The following TRAPPC9 variants were observed in gnomAD, a reference collection of about 807,000 sequenced individuals.
The protein encoded by TRAPPC9 is trafficking protein particle complex subunit 9.
TRAPPC9 carries 83 observed loss-of-function variants against 124.0 expected under a neutral mutation model. The observed-to-expected ratio is 0.67, with a 90% confidence interval of 0.56 to 0.80. TRAPPC9 has a LOEUF of 0.80. TRAPPC9 is among the 30% of genes least tolerant of loss of function. The pLI, the probability that TRAPPC9 is intolerant of heterozygous loss-of-function variation, is 0.00. For synonymous variants in TRAPPC9, 638 were observed against 617.5 expected, an observed-to-expected ratio of 1.03 and a Z score of -0.49; for missense variants, 1,302 against 1,508.3, an observed-to-expected ratio of 0.86 and a Z score of 2.27.
At chr8:140,058,701 C>T (rs151273799) in intron 17 of TRAPPC9, among the ~76,000 whole-genome samples, 160 of 152,216 alleles carry the variant, frequency 1.1e-3, no homozygotes, top group African/African-American at 3.5e-3. Flanking sequence ...CCTGTGGGGA[C>T]GAAAGAGAAT....
rs182352012 is a variant in TRAPPC9 at position 140,279,147 on chromosome 8, G to A, written c.2115-3326C>T. Among the ~76,000 whole-genome samples, 24 of 152,228 alleles carry A rather than the reference G, an allele frequency of 1.6e-4. No individual in the cohort carries two copies. In the East Asian group the frequency reaches 2.3e-3, roughly 15 times the overall value. ...ACCACATCTTCTGTGAAGCCTTCCC[G>A]AACCCCAAAGACAGGGTCAACCTCT... On this transcript the variant is annotated intron_variant, in intron 14 of 22. Coordinates refer to ENST00000438773, the MANE Select transcript of TRAPPC9 (RefSeq NM_001160372.4).
At chr8:140,265,817 A>G (rs2064632348) in intron 15 of TRAPPC9, among the ~76,000 whole-genome samples, 1 of 152,258 alleles carries the variant, frequency 6.6e-6, no homozygotes, top group Non-Finnish European at 1.5e-5. Context: ...AGCCATTAAT[A>G]TTAGCTCCTA....
intron 6 of TRAPPC9, 41 bp from the exon 7 acceptor site, chr8:140,397,786 C>T: frequency 5.6e-6 from 9 of 1,611,764 alleles, no homozygotes; most frequent in Non-Finnish European, 7.6e-6. Flanking sequence ...AAAAAGAGTT[C>T]AGATGTTTCT....
chr8:139,840,653 G>A (rs190586220), intron 21 of TRAPPC9, among the ~76,000 whole-genome samples: 1 of 152,318 alleles, frequency 6.6e-6, no homozygotes, highest in East Asian at 1.9e-4. Flanking sequence ...GGCCAGGAGG[G>A]TGGCGGTTTC....
chr8:140,351,499 T>C (rs1434277011), intron 9 of TRAPPC9, among the ~76,000 whole-genome samples: 1 of 152,098 alleles, frequency 6.6e-6, no homozygotes, highest in Non-Finnish European at 1.5e-5. Flanking sequence ...CTGGGTGTGG[T>C]GGCTCATGCC....
intron 9 of TRAPPC9, among the ~76,000 whole-genome samples, chr8:140,328,444 G>A (rs577211391): frequency 4.6e-5 from 7 of 151,418 alleles, no homozygotes; most frequent in Non-Finnish European, 1.0e-4. Flanking sequence ...AAGCAACCTG[G>A]ATGAGACTGG....
chr8:140,402,113 T>A (rs898578032), intron 6 of TRAPPC9, among the ~76,000 whole-genome samples: 10 of 152,014 alleles, frequency 6.6e-5, no homozygotes, highest in African/African-American at 2.4e-4. Context: ...AGGCCTGTAA[T>A]CGCAGCGTCT....
At chr8:139,866,171 G>A (rs752143692) in intron 21 of TRAPPC9, among the ~76,000 whole-genome samples, 2 of 152,178 alleles carry the variant, frequency 1.3e-5, no homozygotes, top group Admixed American at 6.5e-5. Flanking sequence ...TTTAGCTAGC[G>A]GGCTTCAGAG....
At chr8:140,383,166 T>C (rs2068659193) in intron 7 of TRAPPC9, among the ~76,000 whole-genome samples, 1 of 152,108 alleles carries the variant, frequency 6.6e-6, no homozygotes, top group African/African-American at 2.4e-5. Context: ...CATCTGTATA[T>C]CACCATCATC....
chr8:140,345,278 G>C (rs2067310247), intron 9 of TRAPPC9, among the ~76,000 whole-genome samples: 1 of 152,216 alleles, frequency 6.6e-6, no homozygotes, highest in Non-Finnish European at 1.5e-5. Flanking sequence ...GACAGAGCAG[G>C]CCAGGTACTG....
At chr8:140,221,427 C>T (rs375799300) in intron 17 of TRAPPC9, 32 bp downstream of exon 17, 24 of 1,613,178 alleles carry the variant, frequency 1.5e-5, no homozygotes, top group African/African-American at 1.3e-4. Context: ...CCGAACGGCA[C>T]GTGGCAGATG....
At chr8:140,069,138 G>C (rs1843013880) in intron 17 of TRAPPC9, among the ~76,000 whole-genome samples, 1 of 152,186 alleles carries the variant, frequency 6.6e-6, no homozygotes. Context: ...TGTGCTCAAG[G>C]AACCATTAAA....
chr8:140,432,431 T>C (rs1001058382), intron 4 of TRAPPC9, among the ~76,000 whole-genome samples: 1 of 152,196 alleles, frequency 6.6e-6, no homozygotes, highest in African/African-American at 2.4e-5. Flanking sequence ...AACTCGAGCA[T>C]CTGGCCCACT....
At chr8:140,444,867 G>GGAAAAAA (rs71520283) in intron 2 of TRAPPC9, among the ~76,000 whole-genome samples, 1 of 113,984 alleles carries the variant, frequency 8.8e-6, no homozygotes, top group African/African-American at 3.4e-5. Context: ...CCAATCTCAG[G>GGAAAAAA]AAAAAAAAAA....
In TRAPPC9 at chr8:140,457,665, G is replaced by C. The variant is rs955896426; in HGVS notation, c.-37C>G. ...CAGCCGGTGGCCCCGGGCCCGGAGCGGGAGCCCACGACCTGGCGGGCAGCG... is the reference window on the plus strand; with the variant it reads ...CAGCCGGTGGCCCCGGGCCCGGAGCCGGAGCCCACGACCTGGCGGGCAGCG... On this transcript the variant is annotated 5_prime_UTR_variant, in exon 1 of 23. Coordinates refer to ENST00000438773, the MANE Select transcript of TRAPPC9 (RefSeq NM_001160372.4). 6 of 986,318 alleles carry C rather than the reference G, an allele frequency of 6.1e-6. No individual in the cohort carries two copies. The highest frequency in any genetic ancestry group is 3.5e-5 in the African/African-American group (2 of 57,256). 61.1% of individuals were successfully genotyped at this position (986,318 alleles called of 1,614,324 possible).
intron 2 of TRAPPC9, among the ~76,000 whole-genome samples, chr8:140,439,461 T>C (rs1379083481): frequency 6.6e-6 from 1 of 152,230 alleles, no homozygotes; most frequent in African/African-American, 2.4e-5. Context: ...AATGTTACAG[T>C]TGGATTTTTC....
chr8:140,435,071 G>C (rs758699502), intron 4 of TRAPPC9, 41 bp downstream of exon 4: 3 of 1,613,678 alleles, frequency 1.9e-6, no homozygotes, highest in Non-Finnish European at 8.5e-7. Context: ...TTTATTTAAA[G>C]ACTGCAAGTG....
At chr8:140,327,827 T>C (rs2066779925) in intron 9 of TRAPPC9, among the ~76,000 whole-genome samples, 1 of 152,116 alleles carries the variant, frequency 6.6e-6, no homozygotes, top group African/African-American at 2.4e-5. Flanking sequence ...GTTCTAGAAA[T>C]GGAGGGCGGT....
chr8:140,225,895 G>A (rs561578890), intron 16 of TRAPPC9, among the ~76,000 whole-genome samples: 2 of 152,202 alleles, frequency 1.3e-5, no homozygotes, highest in South Asian at 2.1e-4. Flanking sequence ...TTACACCAAC[G>A]CTTTTATCTC....
Sources: allele counts gnomAD v4.1 joint callset (sites outside exome capture counted in the v4.1 genomes callset), GRCh38; gene constraint gnomAD v4.1.1; transcripts MANE v1.5; gene names NCBI Gene and HGNC (gene_info 2026-07-23, HGNC 2026-07-21).